The following FYB1 variants were observed in gnomAD, a reference collection of about 807,000 sequenced individuals.
FYB1 encodes the protein FYN binding protein 1.
Under a neutral mutation model 94.1 loss-of-function variants are expected in FYB1, and 41 were observed. The observed-to-expected ratio is 0.44, with a 90% CI of 0.34 to 0.57. The LOEUF is 0.57. Ranked by LOEUF, FYB1 falls within the 20% of genes least tolerant of loss-of-function variation. The pLI is 0.02. For synonymous variants in FYB1, 367 were observed against 353.2 expected (o/e 1.04, Z -0.44); for missense variants, 1,050 against 976.8 (o/e 1.07, Z -1.00).
chr5:39,184,945 T>C (rs1746611330), intron 2 of FYB1, among the ~76,000 whole-genome samples: 1 of 152,194 alleles, frequency 6.6e-6, no homozygotes, highest in Non-Finnish European at 1.5e-5. Flanking sequence ...ATGGACATCC[T>C]TCAGCATCAA....
upstream of FYB1, among the ~76,000 whole-genome samples, chr5:39,222,661 T>C (rs893434290): frequency 2.0e-5 from 3 of 152,214 alleles, no homozygotes; most frequent in Non-Finnish European, 4.4e-5. Flanking sequence ...ACAACTAAAA[T>C]GCTATGAGGT....
intron 1 of FYB1, among the ~76,000 whole-genome samples, chr5:39,254,072 C>T (rs1016056772): frequency 3.9e-5 from 6 of 152,130 alleles, no homozygotes; most frequent in Admixed American, 6.5e-5. Context: ...ATATGTACCA[C>T]GTTTTCTTTA....
In FYB1 at chr5:39,141,102, G is replaced by C; in HGVS notation, c.1332C>G (p.His444Gln). Residue 444 changes from histidine to glutamine, a missense_variant, in exon 4 of 19, where the codon CAC (histidine) becomes CAG (glutamine). By Grantham distance (24) the His-to-Gln change is conservative. Transcript: ENST00000512982. ...TATGTTTTTGTCGTTTACCATCAGA[G>C]TGCGTGACACCATCTTGATTGTCTT... ...VNEDNQDGVT[H>Q]SDGAGNLDEE... The C allele has an allele frequency of 6.3e-7, 1 of 1,587,914 alleles. No individual in the cohort carries two copies. The highest frequency in any genetic ancestry group is 8.6e-7 in the Non-Finnish European group (1 of 1,164,798).
At chr5:39,263,416 A>G (rs1052467481) in intron 1 of FYB1, among the ~76,000 whole-genome samples, 2 of 152,036 alleles carry the variant, frequency 1.3e-5, no homozygotes, top group Non-Finnish European at 2.9e-5. Context: ...TTGCTGCAGA[A>G]GGTAGGTGTC....
At chr5:39,138,594 C>T (rs916278009) in intron 6 of FYB1, 63 bp downstream of exon 6, 11 of 967,524 alleles carry the variant, frequency 1.1e-5, no homozygotes, top group Non-Finnish European at 1.7e-5. Flanking sequence ...CCCACTCTCC[C>T]TCATACAAAA....
At chr5:39,171,740 A>G (rs1745264086) in intron 2 of FYB1, among the ~76,000 whole-genome samples, 1 of 152,216 alleles carries the variant, frequency 6.6e-6, no homozygotes, top group African/African-American at 2.4e-5. Flanking sequence ...TACCACGTTA[A>G]CTACCAGCTG....
At chr5:39,224,490 A>G (rs574082408), upstream of FYB1, among the ~76,000 whole-genome samples, 29 of 152,282 alleles carry the variant, frequency 1.9e-4, no homozygotes, top group South Asian at 4.1e-3. Flanking sequence ...CCCTGCCAAC[A>G]TATATTGACT....
At chr5:39,223,264 A>G (rs1579730456), upstream of FYB1, among the ~76,000 whole-genome samples, 1 of 152,312 alleles carries the variant, frequency 6.6e-6, no homozygotes, top group East Asian at 1.9e-4. Context: ...GACACCGTAT[A>G]GTAGTAGTAT....
upstream of FYB1, among the ~76,000 whole-genome samples, chr5:39,222,397 C>A (rs1191715527): frequency 6.6e-6 from 1 of 152,198 alleles, no homozygotes; most frequent in Admixed American, 6.5e-5. Flanking sequence ...AGGCCAAGGG[C>A]AGCTTCCTGG....
intron 1 of FYB1, among the ~76,000 whole-genome samples, chr5:39,233,651 T>C (rs769569309): frequency 2.6e-5 from 4 of 152,188 alleles, no homozygotes; most frequent in African/African-American, 9.7e-5. Context: ...TTGGAATTGT[T>C]GTACATTTTT....
chr5:39,161,945 T>C (rs1744282469), intron 2 of FYB1, among the ~76,000 whole-genome samples: 1 of 152,264 alleles, frequency 6.6e-6, no homozygotes, highest in African/African-American at 2.4e-5. Context: ...AACAGAATCA[T>C]ACAATATGTG....
chr5:39,155,750 T>G (rs1355197324), intron 2 of FYB1, among the ~76,000 whole-genome samples: 1 of 152,166 alleles, frequency 6.6e-6, no homozygotes, highest in Non-Finnish European at 1.5e-5. Context: ...TGGAGTTTGG[T>G]GTGAGATAGA....
chr5:39,170,127 T>G, intron 2 of FYB1: 1 of 804,582 alleles, frequency 1.2e-6, no homozygotes, highest in South Asian at 1.3e-5. Flanking sequence ...TGTTATCAGT[T>G]GCTGATGAAG....
intron 1 of FYB1, among the ~76,000 whole-genome samples, chr5:39,207,035 T>G (rs910457187): frequency 7.9e-5 from 12 of 151,012 alleles, no homozygotes; most frequent in African/African-American, 3.0e-4. Context: ...TGGATCATAT[T>G]GGTGCGTGTT....
intron 1 of FYB1, among the ~76,000 whole-genome samples, chr5:39,203,408 A>G (rs1028853330): frequency 6.6e-6 from 1 of 152,338 alleles, no homozygotes; most frequent in East Asian, 1.9e-4. Flanking sequence ...CCTTTAAAAA[A>G]TGAAAGTAAG....
chr5:39,259,078 A>C (rs953769768), intron 1 of FYB1, among the ~76,000 whole-genome samples: 1 of 152,178 alleles, frequency 6.6e-6, no homozygotes, highest in Non-Finnish European at 1.5e-5. Flanking sequence ...TTGCCCCCTC[A>C]CACCACCATG....
At chr5:39,201,780 G>A (rs1295322452) in intron 2 of FYB1, 46 bp downstream of exon 2, 1 of 1,514,832 alleles carries the variant, frequency 6.6e-7, no homozygotes, top group Non-Finnish European at 9.0e-7. Context: ...AACATTCTCT[G>A]CCTTGGAGTA....
At chr5:39,127,059 C>CTA (rs1740736720) in intron 11 of FYB1, among the ~76,000 whole-genome samples, 1 of 77,492 alleles carries the variant, frequency 1.3e-5, no homozygotes, top group Non-Finnish European at 2.7e-5. Context: ...ACTCAGGTCT[C>CTA]AAAAAAAAAA....
At chr5:39,140,317 G>T (rs1019509775) in intron 4 of FYB1, among the ~76,000 whole-genome samples, 4 of 152,064 alleles carry the variant, frequency 2.6e-5, no homozygotes, top group Non-Finnish European at 5.9e-5. Context: ...ACAAAAAATG[G>T]TCAAAAGGTA....
Sources: allele counts gnomAD v4.1 joint callset (sites outside exome capture counted in the v4.1 genomes callset), GRCh38; gene constraint gnomAD v4.1.1; transcripts MANE v1.5; gene names NCBI Gene and HGNC (gene_info 2026-07-23, HGNC 2026-07-21).